Variants in UTS2B observed in about 807,000 individuals in gnomAD.
UTS2B encodes the protein urotensin 2B.
A neutral mutation model predicts 19.2 loss-of-function variants in UTS2B; 21 were observed. The observed-to-expected ratio is 1.09, with a 90% confidence interval of 0.78 to 1.58. The LOEUF is 1.58. Ranked by LOEUF, UTS2B falls within the 40% of genes most tolerant of loss-of-function variation. The pLI, the probability that UTS2B is intolerant of heterozygous loss-of-function variation, is 0.00. For missense variants in UTS2B, 138 were observed against 130.3 expected, an observed-to-expected ratio of 1.06 and a Z score of -0.29; for synonymous variants, 57 against 50.2, an observed-to-expected ratio of 1.14 and a Z score of -0.58.
intron 4 of UTS2B, among the ~76,000 whole-genome samples, chr3:191,288,526 G>A (rs1314345100): frequency 6.6e-6 from 1 of 152,152 alleles, no homozygotes; most frequent in Non-Finnish European, 1.5e-5. Flanking sequence ...ACAGGGAAAG[G>A]AGAGTCTTTT....
intron 5 of UTS2B, among the ~76,000 whole-genome samples, chr3:191,279,506 T>C (rs1560133893): frequency 6.6e-6 from 1 of 152,064 alleles, no homozygotes; most frequent in Admixed American, 6.5e-5. Flanking sequence ...AAGACAACTA[T>C]GGTAAGAGAA....
chr3:191,291,747 C>T lies in UTS2B; in HGVS notation c.-124-9434G>A, dbSNP rs888009369. Among the ~76,000 whole-genome samples, 6 of 152,058 alleles carry T rather than the reference C, an allele frequency of 3.9e-5. No homozygotes were observed. In the East Asian group the frequency reaches 5.8e-4, roughly 15 times the overall value. On this transcript the variant is annotated intron_variant, in intron 4 of 8. Transcript: ENST00000340524. Reference sequence around the variant, plus strand: ...GATTACATGCGTGAGCCACCGCGCCCGGCCTGATCTACTTTAAGTAAAGTT... The same window carrying T: ...GATTACATGCGTGAGCCACCGCGCCTGGCCTGATCTACTTTAAGTAAAGTT...
In UTS2B at chr3:191,268,321, C is replaced by T. The variant is rs10804933; in HGVS notation, c.*95G>A. The T allele has an allele frequency of 0.54, 478,399 of 881,046 alleles. 134,870 individuals carry two copies. Among genetic ancestry groups the T allele is most frequent in the Non-Finnish European group, 0.58 (338,795 of 582,070 alleles). The allele number at this position is 881,046 out of a possible 1,614,324, so 54.6% of individuals were successfully genotyped here. A position where few individuals can be genotyped will look rare whatever the true frequency, so the allele number is the denominator to read the frequency against. On this transcript the variant is annotated 3_prime_UTR_variant, in exon 9 of 9. Transcript: ENST00000340524. ...CAGGAGCATTTCATCTTTTATTCCA[C>T]AGCAATAGTTTCAGGGGGTCTGCCT...
At chr3:191,276,336 G>A (rs964362528) in intron 7 of UTS2B, among the ~76,000 whole-genome samples, 26 of 152,162 alleles carry the variant, frequency 1.7e-4, no homozygotes, top group African/African-American at 4.8e-4. Context: ...AGGGGTCCCC[G>A]TCAAGAAGGC....
upstream of UTS2B, among the ~76,000 whole-genome samples, chr3:191,330,908 G>A (rs1289955454): frequency 6.6e-6 from 1 of 152,088 alleles, no homozygotes; most frequent in East Asian, 1.9e-4. Flanking sequence ...TTACTGTTCC[G>A]GAAGGGTGTT....
chr3:191,282,174 A>G lies in UTS2B; in HGVS notation c.16T>C (p.Ser6Pro). 6.2e-7 allele frequency: 1 copy of G among 1,611,686 alleles called. No homozygotes were observed. Among genetic ancestry groups the G allele is most frequent in the Non-Finnish European group, 8.5e-7 (1 of 1,179,024 alleles). The change falls in exon 5 of 9, where the codon TCA becomes CCA. Residue 6 changes from serine (S) to proline (P), a missense_variant. Ser to Pro is a moderately conservative substitution (Grantham distance 74). Transcript: ENST00000340524. ...AGGAGTCCAAAGCAAACAGTGCTTG[A>G]GAGGATCTTGTTCATGTTAAAAAAA... MNKIL[S>P]STVCFGLLTL...
At chr3:191,309,198 C>G (rs983100685) in intron 3 of UTS2B, among the ~76,000 whole-genome samples, 4 of 152,086 alleles carry the variant, frequency 2.6e-5, no homozygotes, top group African/African-American at 9.7e-5. Context: ...GAGTCTCGCT[C>G]TCGCCCAGGC....
intron 4 of UTS2B, among the ~76,000 whole-genome samples, chr3:191,295,728 T>C (rs1423861773): frequency 1.3e-5 from 2 of 151,980 alleles, no homozygotes; most frequent in African/African-American, 4.9e-5. Context: ...ATTCACTGTC[T>C]TAGAAAATGG....
intron 1 of UTS2B, chr3:191,329,343 C>G: frequency 3.4e-6 from 1 of 291,744 alleles, no homozygotes; most frequent in Non-Finnish European, 6.3e-6. Flanking sequence ...CCCAGCCGGC[C>G]CGCCCGCCTT....
chr3:191,301,636 G>A (rs1045769916), intron 4 of UTS2B, among the ~76,000 whole-genome samples: 3 of 151,896 alleles, frequency 2.0e-5, no homozygotes, highest in Non-Finnish European at 2.9e-5. Flanking sequence ...ACAGGCGCCC[G>A]CCACCATGCC....
chr3:191,273,952 C>A (rs79617061), intron 8 of UTS2B, among the ~76,000 whole-genome samples: 9,820 of 152,218 alleles, frequency 0.065, 644 homozygotes, highest in East Asian at 0.33. Flanking sequence ...AGATACAAAA[C>A]TTAGCCGGGA....
the UTS2B span, among the ~76,000 whole-genome samples, chr3:191,342,064 T>G: frequency 6.6e-6 from 1 of 152,236 alleles, no homozygotes; most frequent in Non-Finnish European, 1.5e-5. Context: ...CAAACACATT[T>G]TTAGTCAGTG....
At chr3:191,329,542 T>C in intron 1 of UTS2B, 1 of 812,796 alleles carries the variant, frequency 1.2e-6, no homozygotes, top group Non-Finnish European at 1.8e-6. Flanking sequence ...ACCCGCTCCG[T>C]TCTCCGGCCT....
rs1167800483 is a variant in UTS2B, at chr3:191,316,108, T to G, written c.-254A>C. 6.6e-6 allele frequency: 1 copy of G among 152,238 alleles called. No homozygotes were observed. The highest frequency in any genetic ancestry group is 1.9e-4 in the East Asian group (1 of 5,200). 9.4% of individuals were successfully genotyped at this position (152,238 alleles called of 1,614,324 possible). ...GATCAGTTTCCAAAGTGGTTGGCAA[T>G]CAGCTAGATGTCAGCTGTCAGCTGG... On this transcript the variant is annotated 5_prime_UTR_variant, in exon 3 of 9. Transcript: ENST00000340524.
At chr3:191,320,757 G>C (rs1167209306) in intron 2 of UTS2B, among the ~76,000 whole-genome samples, 1 of 152,230 alleles carries the variant, frequency 6.6e-6, no homozygotes, top group Non-Finnish European at 1.5e-5. Context: ...AAGAATAAAT[G>C]ACTGTAAAGT....
chr3:191,334,950 C>A (rs1011539795), upstream of UTS2B, among the ~76,000 whole-genome samples: 9 of 152,068 alleles, frequency 5.9e-5, no homozygotes, highest in Non-Finnish European at 1.2e-4. Context: ...CACACTCTTG[C>A]CTCACTGTTT....
chr3:191,289,078 T>C (rs1716634636), intron 4 of UTS2B, among the ~76,000 whole-genome samples: 1 of 152,060 alleles, frequency 6.6e-6, no homozygotes, highest in South Asian at 2.1e-4. Context: ...AAAATAGAAC[T>C]ACCAGATGAT....
intron 3 of UTS2B, among the ~76,000 whole-genome samples, chr3:191,309,964 C>T (rs28897494): frequency 0.2 from 29,770 of 150,078 alleles, 3,208 homozygotes; most frequent in Non-Finnish European, 0.23. Flanking sequence ...TCCTTTCTTT[C>T]TTTTTTTTCT....
intron 4 of UTS2B, among the ~76,000 whole-genome samples, chr3:191,301,916 G>C (rs977412226): frequency 2.0e-5 from 3 of 152,182 alleles, no homozygotes; most frequent in Non-Finnish European, 4.4e-5. Context: ...TATTTATGGA[G>C]TTTTTATCCT....
Sources: gnomAD v4.1 joint callset for allele counts (sites outside exome capture counted in the v4.1 genomes callset) on GRCh38, gnomAD v4.1.1 for gene constraint, MANE v1.5 for transcripts, NCBI Gene and HGNC (gene_info 2026-07-23, HGNC 2026-07-21) for gene names.